AOAH: variants seen among roughly 807,000 people sequenced by gnomAD.
AOAH encodes the protein acyloxyacyl hydrolase (neutrophil).
A neutral mutation model predicts 92.2 loss-of-function variants in AOAH; 64 were observed. The observed-to-expected ratio is 0.69, with a 90% CI of 0.57 to 0.86. The LOEUF is 0.86. AOAH is among the 40% of genes least tolerant of loss of function. The pLI is 0.00. For missense variants in AOAH, 656 were observed against 694.6 expected, an observed-to-expected ratio of 0.94 and a Z score of 0.62; for synonymous variants, 263 against 254.5, an observed-to-expected ratio of 1.03 and a Z score of -0.32.
chr7:36,571,577 C>A (rs1788151998), intron 13 of AOAH, among the ~76,000 whole-genome samples: 1 of 152,222 alleles, frequency 6.6e-6, no homozygotes, highest in South Asian at 2.1e-4. Context: ...CCATCTCCTG[C>A]CTCTCAGGAG....
chr7:36,711,590 G>A (rs1798771753), intron 1 of AOAH, among the ~76,000 whole-genome samples: 1 of 152,134 alleles, frequency 6.6e-6, no homozygotes, highest in African/African-American at 2.4e-5. Context: ...TGCTAAAGTT[G>A]GGGTTAAATG....
At chr7:36,716,879 T>C (rs1410781701) in intron 1 of AOAH, among the ~76,000 whole-genome samples, 1 of 151,838 alleles carries the variant, frequency 6.6e-6, no homozygotes, top group African/African-American at 2.4e-5. Context: ...TGTTAAATGA[T>C]GAGTTAATGG....
intron 2 of AOAH, among the ~76,000 whole-genome samples, chr7:36,680,604 T>C (rs1373564792): frequency 6.6e-6 from 1 of 152,194 alleles, no homozygotes; most frequent in Non-Finnish European, 1.5e-5. Context: ...AGAACGTCTA[T>C]CTTTGCCACC....
intron 11 of AOAH, among the ~76,000 whole-genome samples, chr7:36,603,177 T>C (rs777277800): frequency 7.2e-5 from 11 of 152,176 alleles, no homozygotes; most frequent in Non-Finnish European, 1.5e-4. Flanking sequence ...TGACTGGCCA[T>C]GTAGGGAAAC....
intron 3 of AOAH, among the ~76,000 whole-genome samples, chr7:36,659,883 G>A (rs1156374661): frequency 6.6e-6 from 1 of 151,384 alleles, no homozygotes; most frequent in African/African-American, 2.4e-5. Flanking sequence ...AAGAAGTCTG[G>A]AGCAGCCAAA....
intron 5 of AOAH, among the ~76,000 whole-genome samples, chr7:36,634,037 C>T (rs1188700638): frequency 6.6e-6 from 1 of 152,122 alleles, no homozygotes; most frequent in African/African-American, 2.4e-5. Flanking sequence ...AGTTGGGAAG[C>T]ACTGATGGGA....
chr7:36,524,542 G>C (rs187334068), intron 19 of AOAH, among the ~76,000 whole-genome samples: 1 of 151,766 alleles, frequency 6.6e-6, no homozygotes, highest in Admixed American at 6.6e-5. Flanking sequence ...CAGGTGTGGT[G>C]GTGGGCACCT....
intron 3 of AOAH, among the ~76,000 whole-genome samples, chr7:36,662,145 C>T (rs188146242): frequency 3.3e-4 from 51 of 152,252 alleles, no homozygotes; most frequent in Admixed American, 2.9e-3. Flanking sequence ...CTTAATGAAG[C>T]CCATCACAGA....
chr7:36,537,285 G>A (rs1785130062), intron 16 of AOAH, among the ~76,000 whole-genome samples: 1 of 138,442 alleles, frequency 7.2e-6, no homozygotes, highest in Non-Finnish European at 1.6e-5. Context: ...GAACAAACTT[G>A]TTCTATCTTT....
chr7:36,610,421 A>G (rs1791368530), intron 11 of AOAH, among the ~76,000 whole-genome samples: 1 of 151,710 alleles, frequency 6.6e-6, no homozygotes, highest in Non-Finnish European at 1.5e-5. Context: ...GAAAGAGTGC[A>G]AAAATACTGT....
chr7:36,720,059 T>A (rs1799518526), intron 1 of AOAH, among the ~76,000 whole-genome samples: 1 of 152,160 alleles, frequency 6.6e-6, no homozygotes, highest in African/African-American at 2.4e-5. Flanking sequence ...AGCAGGTGAA[T>A]GCAACAGAAT....
intron 4 of AOAH, among the ~76,000 whole-genome samples, chr7:36,657,300 G>A (rs4452708): frequency 0.66 from 100,286 of 151,926 alleles, 33,803 homozygotes; most frequent in East Asian, 0.84. Flanking sequence ...CTTTCCTCGG[G>A]AAGTGACTTT....
chr7:36,555,536 A>G (rs1186125863), intron 13 of AOAH, among the ~76,000 whole-genome samples: 8 of 151,940 alleles, frequency 5.3e-5, no homozygotes, highest in African/African-American at 1.7e-4. Context: ...TTTTCTATTG[A>G]TTGGAATAGT....
Position 36,722,935 on chromosome 7 carries a change from GAAAAAAA to G in AOAH, c.127+1080_127+1086del, listed in dbSNP as rs11407908. On this transcript the variant is annotated intron_variant, in intron 1 of 20. Coordinates refer to ENST00000617537, the MANE Select transcript of AOAH (RefSeq NM_001637.4). ...GGTGACAGTGCGATAATCCATCTCAGAAAAAAAAAAAAAAAAAAAAAAAAAAGGACTT... is the reference window on the plus strand; with the variant it reads ...GGTGACAGTGCGATAATCCATCTCAGAAAAAAAAAAAAAAAAAAAGGACTT... Among the ~76,000 whole-genome samples the G allele has an allele frequency of 4.0e-3, 199 of 49,500 alleles. 1 individual carries two copies. Among genetic ancestry groups the G allele is most frequent in the African/African-American group, 0.011 (146 of 12,796 alleles). 32.5% of individuals were successfully genotyped at this position (49,500 alleles called of 152,430 possible). A position where few individuals can be genotyped will look rare whatever the true frequency, so the allele number is the denominator to read the frequency against.
Position 36,678,550 on chromosome 7 carries a change from A to AGTGTGTGTGTGTGT in AOAH, c.224-4555_224-4542dup, listed in dbSNP as rs529261307. On this transcript the variant is annotated intron_variant, in intron 2 of 20. Transcript: ENST00000617537. ...TCATCTTCTTTCTGGTAAGATAAGC[A>AGTGTGTGTGTGTGT]GTGTGTGTGTGTGTGTGTGTGTGTG... Among the ~76,000 whole-genome samples, 660 of 118,860 alleles carry AGTGTGTGTGTGTGT rather than the reference A, an allele frequency of 5.6e-3. 7 individuals are homozygous for AGTGTGTGTGTGTGT. Among genetic ancestry groups the AGTGTGTGTGTGTGT allele is most frequent in the East Asian group, 0.015 (62 of 4,070 alleles). The allele number at this position is 118,860 out of a possible 152,430, so 78.0% of individuals were successfully genotyped here.
intron 11 of AOAH, among the ~76,000 whole-genome samples, chr7:36,610,584 G>A (rs1053140887): frequency 1.3e-5 from 2 of 151,496 alleles, no homozygotes; most frequent in Non-Finnish European, 2.9e-5. Flanking sequence ...CTCTCTCTGG[G>A]TGGTAGTATT....
At chr7:36,617,449 G>A (rs1791979461) in intron 10 of AOAH, among the ~76,000 whole-genome samples, 1 of 152,160 alleles carries the variant, frequency 6.6e-6, no homozygotes, top group Non-Finnish European at 1.5e-5. Flanking sequence ...TCCTCTTCCT[G>A]CCCTCTGAGG....
chr7:36,634,941 T>C (rs527984171), intron 5 of AOAH, among the ~76,000 whole-genome samples: 1 of 152,218 alleles, frequency 6.6e-6, no homozygotes, highest in South Asian at 2.1e-4. Context: ...TGTGTAGAAA[T>C]TGGGGTTAAG....
At chr7:36,721,095 G>A (rs1799605848) in intron 1 of AOAH, among the ~76,000 whole-genome samples, 1 of 152,124 alleles carries the variant, frequency 6.6e-6, no homozygotes, top group Admixed American at 6.6e-5. Context: ...CGTATCAGGA[G>A]ACACTCGCTC....
Sources: gnomAD v4.1 joint callset for allele counts (sites outside exome capture counted in the v4.1 genomes callset) on GRCh38, gnomAD v4.1.1 for gene constraint, MANE v1.5 for transcripts, NCBI Gene and HGNC (gene_info 2026-07-23, HGNC 2026-07-21) for gene names.